PDE10A: variants seen among roughly 807,000 people sequenced by gnomAD.
The protein encoded by PDE10A is cAMP and cAMP-inhibited cGMP 3',5'-cyclic phosphodiesterase 10A.
Under a neutral mutation model 97.7 loss-of-function variants are expected in PDE10A, and 39 were observed. That is an observed-to-expected ratio of 0.40 (90% CI 0.31 to 0.52). The LOEUF (loss-of-function observed/expected upper bound fraction) is 0.52. PDE10A is among the 20% of genes least tolerant of loss of function. The pLI is 0.56. For missense variants in PDE10A, 731 were observed against 1,047.8 expected, an observed-to-expected ratio of 0.70 and a Z score of 4.17; for synonymous variants, 371 against 376.8, an observed-to-expected ratio of 0.98 and a Z score of 0.18.
chr6:165,726,944 T>C (rs4582355), intron 1 of PDE10A, among the ~76,000 whole-genome samples: 18,747 of 152,058 alleles, frequency 0.12, 1,449 homozygotes, highest in Admixed American at 0.22. Context: ...GAAAACAGCA[T>C]AAAGGAAGAT....
At chr6:165,916,884 A>C (rs531446552) in intron 1 of PDE10A, among the ~76,000 whole-genome samples, 3 of 151,678 alleles carry the variant, frequency 2.0e-5, no homozygotes, top group African/African-American at 7.3e-5. Flanking sequence ...GCCACCTCCC[A>C]CTCCACCATA....
chr6:165,390,250 G>A (rs149366311), intron 16 of PDE10A, among the ~76,000 whole-genome samples: 6 of 152,314 alleles, frequency 3.9e-5, no homozygotes, highest in African/African-American at 9.6e-5. Flanking sequence ...GGATTCGATT[G>A]AAGACACTGA....
At chr6:165,700,636 T>C (rs1791545651) in intron 1 of PDE10A, among the ~76,000 whole-genome samples, 1 of 152,214 alleles carries the variant, frequency 6.6e-6, no homozygotes, top group Non-Finnish European at 1.5e-5. Context: ...TATCACCCAA[T>C]ACATTGTGTA....
At chr6:165,570,416 A>C (rs779670876) in intron 1 of PDE10A, among the ~76,000 whole-genome samples, 3 of 152,214 alleles carry the variant, frequency 2.0e-5, no homozygotes, top group Non-Finnish European at 4.4e-5. Flanking sequence ...GTCCTTGAGT[A>C]AGAATTAATA....
intron 1 of PDE10A, among the ~76,000 whole-genome samples, chr6:165,789,523 C>G (rs1427265838): frequency 7.9e-5 from 12 of 152,042 alleles, no homozygotes; most frequent in Admixed American, 7.9e-4. Flanking sequence ...TTATTTTATT[C>G]CTGGCCACTA....
At chr6:165,379,075 T>C (rs1784784147) in intron 18 of PDE10A, 119 bp downstream of exon 18, 4 of 674,422 alleles carry the variant, frequency 5.9e-6, no homozygotes, top group Non-Finnish European at 9.8e-6. Flanking sequence ...GTGAAAAACA[T>C]GTAAATTTTT....
chr6:165,478,574 A>G (rs1779426721), intron 3 of PDE10A, among the ~76,000 whole-genome samples: 1 of 152,244 alleles, frequency 6.6e-6, no homozygotes, highest in Non-Finnish European at 1.5e-5. Flanking sequence ...ACATGACGGC[A>G]GGCCCTGAAA....
intron 3 of PDE10A, among the ~76,000 whole-genome samples, chr6:165,471,538 T>C (rs757619900): frequency 9.2e-5 from 14 of 152,178 alleles, no homozygotes; most frequent in Non-Finnish European, 2.1e-4. Context: ...CAAAACTGAT[T>C]GTCTGTTAGG....
chr6:165,547,367 G>C (rs915334603), intron 1 of PDE10A, among the ~76,000 whole-genome samples: 7 of 152,242 alleles, frequency 4.6e-5, no homozygotes, highest in Non-Finnish European at 5.9e-5. Context: ...AATGATCAGG[G>C]TAAGTTATGA....
At chr6:165,887,668 C>T (rs2323033) in intron 1 of PDE10A, among the ~76,000 whole-genome samples, 38,025 of 152,004 alleles carry the variant, frequency 0.25, 5,612 homozygotes, top group African/African-American at 0.41. Flanking sequence ...CATATCCAAC[C>T]CATCATCAAA....
intron 3 of PDE10A, among the ~76,000 whole-genome samples, chr6:165,450,949 T>A (rs1791246537): frequency 6.6e-6 from 1 of 152,220 alleles, no homozygotes; most frequent in African/African-American, 2.4e-5. Flanking sequence ...TAACTTTGTT[T>A]CTAAAGTTTT....
At chr6:165,667,183 T>G (rs1332463556), upstream of PDE10A, among the ~76,000 whole-genome samples, 1 of 152,232 alleles carries the variant, frequency 6.6e-6, no homozygotes, top group Non-Finnish European at 1.5e-5. Flanking sequence ...TCCTAGATCT[T>G]CAGTTTCAAT....
At position 165,433,080 on chromosome 6, in the gene PDE10A, T is replaced by C; in HGVS notation, c.1385A>G (p.Gln462Arg). The C allele has an allele frequency of 6.2e-7, 1 of 1,613,526 alleles. No homozygotes were observed. Among genetic ancestry groups the C allele is most frequent in the Non-Finnish European group, 8.5e-7 (1 of 1,179,518 alleles). ...GACAATTGGTAAGCAAAGAACAGAC[T>C]GGATACGAGTCCCTGATTCCAGTCC... is the stretch of plus-strand genomic sequence containing the variant. ...GTGLESGTRIQSVLCLPIVTA... is the reference protein window; with the variant it reads ...GTGLESGTRIRSVLCLPIVTA... Residue 462 changes from glutamine (Q) to arginine (R), a missense_variant, in exon 7 of 22, where the codon CAG becomes CGG. By Grantham distance (43) the Gln-to-Arg change is conservative. Around this residue, in one of 8 missense-constraint regions of PDE10A, gnomAD observed 152 missense variants for 199.3 expected, o/e 0.76. Transcript: ENST00000539869.
rs1781241421 is a variant in PDE10A, at chr6:165,329,813, A to C, written c.*3212T>G. The C allele has an allele frequency of 6.6e-6, 1 of 152,196 alleles. No individual in the cohort carries two copies. The highest frequency in any genetic ancestry group is 2.4e-5 in the African/African-American group (1 of 41,454). The allele number at this position is 152,196 out of a possible 1,614,324, so 9.4% of individuals were successfully genotyped here. On this transcript the variant is annotated 3_prime_UTR_variant, in exon 22 of 22. Coordinates refer to ENST00000539869, the MANE Select transcript of PDE10A (RefSeq NM_001385079.1). The stretch of plus-strand genomic sequence containing the variant: ...ACATCTGTACCTTCCTTTTCCATTG[A>C]AGAGTCAGGAATGGGAACGATTGTG...
intron 1 of PDE10A, among the ~76,000 whole-genome samples, chr6:165,687,600 C>G (rs1395737144): frequency 6.6e-6 from 1 of 152,172 alleles, no homozygotes; most frequent in Non-Finnish European, 1.5e-5. Flanking sequence ...ACGATTCTTT[C>G]TACAAGCACA....
intron 13 of PDE10A, among the ~76,000 whole-genome samples, chr6:165,410,413 G>C (rs915866910): frequency 4.6e-5 from 7 of 152,164 alleles, no homozygotes; most frequent in African/African-American, 1.7e-4. Flanking sequence ...GGACAAGTTG[G>C]AATAAGATTG....
intron 1 of PDE10A, among the ~76,000 whole-genome samples, chr6:165,748,979 T>C (rs1414463314): frequency 6.6e-6 from 1 of 152,184 alleles, no homozygotes; most frequent in African/African-American, 2.4e-5. Flanking sequence ...TTCAGGTTCC[T>C]TATATGTAAA....
intron 1 of PDE10A, among the ~76,000 whole-genome samples, chr6:165,800,721 G>A (rs1281999715): frequency 1.3e-5 from 2 of 152,240 alleles, no homozygotes; most frequent in Admixed American, 6.5e-5. Context: ...CAATCGATGG[G>A]CAAGGTACGA....
At chr6:165,890,860 A>G (rs1043659795) in intron 1 of PDE10A, among the ~76,000 whole-genome samples, 4 of 152,236 alleles carry the variant, frequency 2.6e-5, no homozygotes, top group African/African-American at 9.6e-5. Context: ...TTTCTGTATT[A>G]CTAAAGGGAT....
Sources: gnomAD v4.1 joint callset for allele counts (sites outside exome capture counted in the v4.1 genomes callset) on GRCh38, gnomAD v4.1.1 for gene constraint, gnomAD v4.1.1 regional missense constraint, MANE v1.5 for transcripts, NCBI Gene and HGNC (gene_info 2026-07-23, HGNC 2026-07-21) for gene names.